Variants in GPM6A observed in about 807,000 individuals in gnomAD.
GPM6A encodes neuronal membrane glycoprotein M6-a.
In GPM6A, 7 loss-of-function variants were observed where a neutral mutation model predicts 32.1. That is an observed-to-expected ratio of 0.22 (90% CI 0.12 to 0.41). The LOEUF (loss-of-function observed/expected upper bound fraction) is 0.41, where lower values mean the gene tolerates loss of function less well. Ranked by LOEUF, GPM6A falls within the 10% of genes least tolerant of loss-of-function variation. The pLI is 1.00. For synonymous variants in GPM6A, 130 were observed against 123.4 expected, an observed-to-expected ratio of 1.05 and a Z score of -0.35; for missense variants, 235 against 347.2, an observed-to-expected ratio of 0.68 and a Z score of 2.57.
At chr4:175,676,210 T>C (rs1743358718) in intron 2 of GPM6A, among the ~76,000 whole-genome samples, 1 of 152,158 alleles carries the variant, frequency 6.6e-6, no homozygotes, top group Non-Finnish European at 1.5e-5. Flanking sequence ...CAATTAAACC[T>C]CTTTCTTTTA....
chr4:175,652,476 A>T (rs1741863288), intron 3 of GPM6A, among the ~76,000 whole-genome samples: 1 of 152,126 alleles, frequency 6.6e-6, no homozygotes, highest in Non-Finnish European at 1.5e-5. Context: ...AAATCACATT[A>T]GTATATAATA....
intron 2 of GPM6A, among the ~76,000 whole-genome samples, chr4:175,684,791 T>C (rs907449576): frequency 5.3e-5 from 8 of 152,236 alleles, no homozygotes; most frequent in Non-Finnish European, 1.0e-4. Context: ...ACGTATGTCT[T>C]AATATCTTGT....
At chr4:175,800,770 G>A in intron 1 of GPM6A, 1 of 195,806 alleles carries the variant, frequency 5.1e-6, no homozygotes, top group Non-Finnish European at 1.2e-5. Context: ...TTCCCTTAAG[G>A]ACCACAAAAC....
intron 1 of GPM6A, among the ~76,000 whole-genome samples, chr4:175,706,968 T>A (rs1018628725): frequency 6.6e-6 from 1 of 152,218 alleles, no homozygotes; most frequent in Non-Finnish European, 1.5e-5. Context: ...ACCAGTGCTA[T>A]GACAGTTTAC....
intron 1 of GPM6A, among the ~76,000 whole-genome samples, chr4:175,717,202 C>G (rs1745885805): frequency 2.0e-5 from 3 of 152,192 alleles, no homozygotes; most frequent in African/African-American, 7.2e-5. Flanking sequence ...TTACGCTCTT[C>G]CTGTTTCCTC....
intron 1 of GPM6A, among the ~76,000 whole-genome samples, chr4:175,744,198 T>G (rs923757208): frequency 6.6e-6 from 1 of 152,014 alleles, no homozygotes; most frequent in African/African-American, 2.4e-5. Flanking sequence ...CAAATAAAAT[T>G]TTTAAAAGGA....
chr4:175,869,462 A>C (rs1421835888), intron 1 of GPM6A, among the ~76,000 whole-genome samples: 2 of 152,162 alleles, frequency 1.3e-5, no homozygotes, highest in Non-Finnish European at 2.9e-5. Context: ...ATTTAAAAAA[A>C]AACAACAAAA....
At chr4:175,937,844 T>C (rs979381951) in intron 1 of GPM6A, among the ~76,000 whole-genome samples, 3 of 152,060 alleles carry the variant, frequency 2.0e-5, no homozygotes, top group Non-Finnish European at 2.9e-5. Flanking sequence ...TTAAGCTAAA[T>C]GAATAGTCCA....
At chr4:175,864,311 A>G (rs528475714) in intron 1 of GPM6A, among the ~76,000 whole-genome samples, 59 of 152,138 alleles carry the variant, frequency 3.9e-4, no homozygotes, top group African/African-American at 1.2e-3. Flanking sequence ...AGACTACAGG[A>G]GCATGTCACC....
At chr4:175,767,184 C>A (rs1382757526) in intron 1 of GPM6A, among the ~76,000 whole-genome samples, 1 of 152,160 alleles carries the variant, frequency 6.6e-6, no homozygotes, top group African/African-American at 2.4e-5. Flanking sequence ...CACATCAGTT[C>A]TCCTGAAGAT....
chr4:175,901,640 T>TTTCTTTTTTTTTTTTTTTTTTA (rs397745906), intron 1 of GPM6A, among the ~76,000 whole-genome samples: 3 of 139,000 alleles, frequency 2.2e-5, no homozygotes, highest in Non-Finnish European at 4.7e-5. Context: ...TTTTTTTTTT[T>TTTCTTTTTTTTTTTTTTTTTTA]CCTTTTTTTT....
At chr4:175,942,345 T>C (rs1453976687) in intron 1 of GPM6A, among the ~76,000 whole-genome samples, 1 of 152,204 alleles carries the variant, frequency 6.6e-6, no homozygotes, top group Non-Finnish European at 1.5e-5. Context: ...ACTCTGATGA[T>C]AGTTTCTTTT....
At chr4:175,876,484 A>G (rs1737088119) in intron 1 of GPM6A, among the ~76,000 whole-genome samples, 1 of 152,070 alleles carries the variant, frequency 6.6e-6, no homozygotes, top group Non-Finnish European at 1.5e-5. Flanking sequence ...CACTCTATCT[A>G]TTTTCAGTTT....
intron 2 of GPM6A, among the ~76,000 whole-genome samples, chr4:175,693,267 T>C (rs766930846): frequency 8.0e-5 from 12 of 149,248 alleles, no homozygotes; most frequent in South Asian, 6.3e-4. Context: ...TATATATATA[T>C]ACACATATGC....
intron 1 of GPM6A, among the ~76,000 whole-genome samples, chr4:175,930,034 A>G (rs1368844835): frequency 6.6e-6 from 1 of 152,142 alleles, no homozygotes; most frequent in Non-Finnish European, 1.5e-5. Context: ...AAAGCTAAAA[A>G]TCGTTAATCT....
chr4:175,838,644 ATTTTTTTTTTTTTTT>A (rs569099649), intron 1 of GPM6A, among the ~76,000 whole-genome samples: 1 of 79,788 alleles, frequency 1.3e-5, no homozygotes, highest in East Asian at 3.0e-4. Context: ...CTAGCAGTGA[ATTTTTTTTTTTTTTT>A]TTTTTTTTTT....
chr4:175,890,945 T>C (rs910216447), intron 1 of GPM6A, among the ~76,000 whole-genome samples: 3 of 152,150 alleles, frequency 2.0e-5, no homozygotes, highest in African/African-American at 4.8e-5. Context: ...AAATGATACA[T>C]AGCCCAAATG....
upstream of GPM6A, chr4:175,812,431 T>C (rs1263439349): frequency 3.9e-6 from 5 of 1,297,112 alleles, no homozygotes; most frequent in Non-Finnish European, 3.9e-6. Flanking sequence ...AGACAGGCTG[T>C]CAAGTGTAAT....
At chr4:175,787,667 T>C in intron 1 of GPM6A, 1 of 1,127,168 alleles carries the variant, frequency 8.9e-7, no homozygotes, top group Non-Finnish European at 1.1e-6. Context: ...CAGACAAATT[T>C]AATATATGCA....
Sources: allele counts gnomAD v4.1 joint callset (sites outside exome capture counted in the v4.1 genomes callset), GRCh38; gene constraint gnomAD v4.1.1; transcripts MANE v1.5; gene names NCBI Gene and HGNC (gene_info 2026-07-23, HGNC 2026-07-21).